Variants in APOL2 observed in about 807,000 individuals in gnomAD.
APOL2 encodes the protein apolipoprotein L2, also known as apolipoprotein L, 2.
In APOL2, 8 loss-of-function variants were observed where a neutral mutation model predicts 7.1. That is an observed-to-expected ratio of 1.12 (90% CI 0.66 to 2.03). The LOEUF is 2.03. APOL2 is among the 30% of genes most tolerant of loss of function. APOL2 has a pLI of 0.00. For missense variants in APOL2, 471 were observed against 415.1 expected, an observed-to-expected ratio of 1.13 and a Z score of -1.17; for synonymous variants, 177 against 159.9, an observed-to-expected ratio of 1.11 and a Z score of -0.81.
At chr22:36,237,316 G>T in intron 1 of APOL2, 1 of 1,343,970 alleles carries the variant, frequency 7.4e-7, no homozygotes, top group Non-Finnish European at 9.6e-7. Flanking sequence ...GCAGAGGACA[G>T]GGACTCTCAG....
At chr22:36,230,604 T>C (rs1247905304) in intron 4 of APOL2, among the ~76,000 whole-genome samples, 1 of 152,170 alleles carries the variant, frequency 6.6e-6, no homozygotes, top group Non-Finnish European at 1.5e-5. Flanking sequence ...TCTCTGGGCC[T>C]TTGAGCAGGA....
chr22:36,237,339 C>T (rs1030190655), intron 1 of APOL2: 3 of 1,325,294 alleles, frequency 2.3e-6, no homozygotes, highest in Non-Finnish European at 2.9e-6. Context: ...AAGCATCTCC[C>T]TCCAAGTGGT....
In APOL2 at chr22:36,228,003, G is replaced by A; in HGVS notation, c.415C>T (p.Pro139Ser). The A allele has an allele frequency of 6.2e-7, 1 of 1,614,208 alleles. No homozygotes were observed. The highest frequency in any genetic ancestry group is 2.2e-5 in the East Asian group (1 of 44,884). Residue 139 changes from proline (P) to serine (S), a missense_variant, in exon 5 of 5, where the codon CCC (proline) becomes TCC (serine). By Grantham distance (74) the Pro-to-Ser change is moderately conservative (BLOSUM62 -1). Transcript: ENST00000358502. ...ILTLLGLGLA[P>S]FTEGISFVLL... ...ACAAAACTGATTCCTTCTGTGAAGG[G>A]TGCCAGACCCAGGCCGAGGAGGGTC... is the stretch of plus-strand genomic sequence containing the variant.
intron 2 of APOL2, 37 bp downstream of exon 2, chr22:36,233,365 C>T: frequency 6.4e-7 from 1 of 1,560,212 alleles, no homozygotes; most frequent in Non-Finnish European, 8.7e-7. Flanking sequence ...GTGTTTATCT[C>T]CTGGGGCCCT....
At chr22:36,229,987 C>A (rs2015160732) in intron 4 of APOL2, among the ~76,000 whole-genome samples, 1 of 152,256 alleles carries the variant, frequency 6.6e-6, no homozygotes, top group Non-Finnish European at 1.5e-5. Context: ...CCAGGTCTCA[C>A]TCGCAGGTGT....
intron 4 of APOL2, among the ~76,000 whole-genome samples, chr22:36,230,372 G>A (rs1043935630): frequency 6.6e-6 from 1 of 152,180 alleles, no homozygotes; most frequent in African/African-American, 2.4e-5. Flanking sequence ...CCATGACCCT[G>A]TATGCCCATG....
At chr22:36,231,278 C>T (rs543513641) in intron 4 of APOL2, 62 bp downstream of exon 4, 1 of 1,593,808 alleles carries the variant, frequency 6.3e-7, no homozygotes, top group Admixed American at 1.7e-5. Flanking sequence ...GGACAACCAG[C>T]CCAGGGGAGA....
chr22:36,239,139 T>C (rs1223723571), intron 1 of APOL2: 4 of 1,204,622 alleles, frequency 3.3e-6, no homozygotes, highest in Non-Finnish European at 4.1e-6. Flanking sequence ...CACCTACCTT[T>C]CTTCTGGGGT....
chr22:36,235,285 C>T (rs1241667992), intron 1 of APOL2, among the ~76,000 whole-genome samples: 2 of 152,170 alleles, frequency 1.3e-5, no homozygotes, highest in African/African-American at 2.4e-5. Flanking sequence ...CATTCAATCA[C>T]CCTACAGGGA....
At chr22:36,237,861 G>A (rs1444626110) in intron 1 of APOL2, among the ~76,000 whole-genome samples, 4 of 152,034 alleles carry the variant, frequency 2.6e-5, no homozygotes, top group African/African-American at 7.3e-5. Flanking sequence ...GCCCTGCTTC[G>A]GTGCCTCCTG....
rs772076302 is a variant in APOL2, at chr22:36,226,448, T to C, written c.*956A>G. On this transcript the variant is annotated 3_prime_UTR_variant, in exon 5 of 5. Coordinates refer to ENST00000358502, the MANE Select transcript of APOL2 (RefSeq NM_030882.4). ...TCAGCTGGGGATTGTGGCCATGGCC[T>C]ACCACCTGCCTCTCAGGGTTCAAGC... 6 of 152,338 alleles carry C rather than the reference T, an allele frequency of 3.9e-5. No homozygotes were observed. The highest frequency in any genetic ancestry group is 1.9e-4 in the East Asian group (1 of 5,202). 9.4% of individuals were successfully genotyped at this position (152,338 alleles called of 1,614,324 possible). A position where few individuals can be genotyped will look rare whatever the true frequency, so the allele number is the denominator to read the frequency against.
chr22:36,237,062 T>G, intron 1 of APOL2: 3 of 1,510,902 alleles, frequency 2.0e-6, no homozygotes, highest in Non-Finnish European at 2.7e-6. Flanking sequence ...GCCTCGGACC[T>G]GCCCAATACT....
rs755525332 is a variant in APOL2, at chr22:36,228,206, T to C, written c.212A>G (p.His71Arg). 2.5e-6 allele frequency: 4 copies of C among 1,614,236 alleles called. No individual in the cohort carries two copies. The change falls in exon 5 of 5, where the codon CAC (histidine) becomes CGC (arginine). Residue 71 changes from histidine to arginine, a missense_variant. Coordinates refer to ENST00000358502, the MANE Select transcript of APOL2 (RefSeq NM_030882.4). ...SHMVMKDKNR[H>R]DKDQQHRQWF... ...CTGCCTGTGCTGCTGGTCTTTATCGTGGCGGTTTTTGTCCTTCATGACCAT... is the reference window on the plus strand; with the variant it reads ...CTGCCTGTGCTGCTGGTCTTTATCGCGGCGGTTTTTGTCCTTCATGACCAT...
In APOL2 at chr22:36,228,299, A is replaced by C; in HGVS notation, c.138-19T>G. The stretch of plus-strand genomic sequence containing the variant: ...CTCATCCCTGCACAAGGAAAGGTTA[A>C]AGGATTAAGAAATGCAGTTTCCCTA... On this transcript the variant is annotated intron_variant, in intron 4 of 4. Coordinates refer to ENST00000358502, the MANE Select transcript of APOL2 (RefSeq NM_030882.4). 1 of 1,593,966 alleles carries C rather than the reference A, an allele frequency of 6.3e-7. No homozygotes were observed. Among genetic ancestry groups the C allele is most frequent in the Non-Finnish European group, 8.5e-7 (1 of 1,170,506 alleles).
intron 1 of APOL2, chr22:36,239,132 C>A: frequency 2.5e-6 from 3 of 1,207,214 alleles, no homozygotes; most frequent in Non-Finnish European, 3.1e-6. Context: ...CCCCCAACAC[C>A]TACCTTTCTT....
chr22:36,238,464 C>A (rs1380185552), intron 1 of APOL2, among the ~76,000 whole-genome samples: 1 of 151,582 alleles, frequency 6.6e-6, no homozygotes, highest in Non-Finnish European at 1.5e-5. Context: ...GGGGAGGTGA[C>A]TTGCCCAGAG....
intron 3 of APOL2, among the ~76,000 whole-genome samples, chr22:36,232,733 G>C (rs2015265629): frequency 6.6e-6 from 1 of 152,098 alleles, no homozygotes; most frequent in African/African-American, 2.4e-5. Flanking sequence ...GAGGGGACCG[G>C]CCTGTGCTGG....
rs145687961 is a variant in APOL2 at position 36,228,264 on chromosome 22, G to A, written c.154C>T (p.Leu52Phe). Residue 52 changes from leucine (L) to phenylalanine (F), a missense_variant, in exon 5 of 5, where the codon CTC (leucine) becomes TTC (phenylalanine). Transcript: ENST00000358502. ...GCAAGCTTGTTCAGAGCTTTACGGA[G>A]CTCATCTGCCTCATCCCTGCACAAG... ...AELPRDEADE[L>F]RKALNKLASH... 61 of 1,613,776 alleles carry A rather than the reference G, an allele frequency of 3.8e-5. No individual in the cohort carries two copies. In the African/African-American group the frequency reaches 6.7e-4, roughly 18 times the overall value.
At chr22:36,233,364 T>G (rs1253109786) in intron 2 of APOL2, 38 bp downstream of exon 2, 1 of 1,562,158 alleles carries the variant, frequency 6.4e-7, no homozygotes, top group Admixed American at 1.9e-5. Flanking sequence ...AGTGTTTATC[T>G]CCTGGGGCCC....
Sources: gnomAD v4.1 joint callset for allele counts (sites outside exome capture counted in the v4.1 genomes callset) on GRCh38, gnomAD v4.1.1 for gene constraint, MANE v1.5 for transcripts, NCBI Gene and HGNC (gene_info 2026-07-23, HGNC 2026-07-21) for gene names.